Variants in SLC41A3 observed in about 807,000 individuals in gnomAD.
The protein encoded by SLC41A3 is SLC41A1-like 2.
In SLC41A3, 44 loss-of-function variants were observed where a neutral mutation model predicts 45.4. The observed-to-expected ratio is 0.97, with a 90% confidence interval of 0.76 to 1.25. The LOEUF (loss-of-function observed/expected upper bound fraction) is 1.25, where lower values mean the gene tolerates loss of function less well. SLC41A3 is among the 50% of genes most tolerant of loss of function. SLC41A3 has a pLI of 0.00. For synonymous variants in SLC41A3, 256 were observed against 252.4 expected, an observed-to-expected ratio of 1.01 and a Z score of -0.13; for missense variants, 550 against 600.6, an observed-to-expected ratio of 0.92 and a Z score of 0.88.
intron 2 of SLC41A3, among the ~76,000 whole-genome samples, chr3:126,051,677 G>A (rs1286418667): frequency 6.6e-5 from 10 of 152,220 alleles, no homozygotes. Context: ...ATTGGCAGAG[G>A]TGAAAACAAT....
At chr3:126,070,633 T>C (rs751379513) in intron 1 of SLC41A3, among the ~76,000 whole-genome samples, 13 of 152,182 alleles carry the variant, frequency 8.5e-5, no homozygotes, top group Non-Finnish European at 1.9e-4. Context: ...CTAAGAATTC[T>C]TAACTAGCAA....
At chr3:126,082,675 A>AT (rs1351342026) in intron 1 of SLC41A3, among the ~76,000 whole-genome samples, 1 of 152,050 alleles carries the variant, frequency 6.6e-6, no homozygotes, top group Non-Finnish European at 1.5e-5. Flanking sequence ...TCCCTGTGTC[A>AT]CCCTGTGAGG....
intron 9 of SLC41A3, among the ~76,000 whole-genome samples, chr3:126,011,366 G>A (rs1201159157): frequency 2.0e-5 from 3 of 152,132 alleles, no homozygotes; most frequent in Non-Finnish European, 4.4e-5. Context: ...AAAAAGATCA[G>A]TCAACTTGGA....
At chr3:126,041,236 A>C (rs1942570602) in intron 3 of SLC41A3, among the ~76,000 whole-genome samples, 1 of 151,896 alleles carries the variant, frequency 6.6e-6, no homozygotes, top group Non-Finnish European at 1.5e-5. Context: ...GTAGACTCAG[A>C]AACTACAATA....
In SLC41A3 at chr3:126,026,642, C is replaced by T. The variant is rs1406190171; in HGVS notation, c.454-163G>A. On this transcript the variant is annotated intron_variant, in intron 4 of 10. Coordinates refer to ENST00000360370, the MANE Select transcript of SLC41A3 (RefSeq NM_017836.4). The surrounding 1 kb of genome is among the most constrained non-coding windows in gnomAD (Gnocchi z 4.2). Reference sequence around the variant, plus strand: ...GCCCTCACCCCAGGAAAAACTAATACCACACCCCACACCTGCCTTGAACTC... The same window carrying T: ...GCCCTCACCCCAGGAAAAACTAATATCACACCCCACACCTGCCTTGAACTC... Among the ~76,000 whole-genome samples, 1 of 152,178 alleles carries T rather than the reference C, an allele frequency of 6.6e-6. No individual in the cohort carries two copies. The highest frequency in any genetic ancestry group is 6.5e-5 in the Admixed American group (1 of 15,284).
chr3:126,011,408 C>A lies in SLC41A3; in HGVS notation c.1105+1207G>T, dbSNP rs1256344717. On this transcript the variant is annotated intron_variant, in intron 9 of 10. Transcript: ENST00000360370. ...AGTGATAGAAATGAGCCAATCTAAA[C>A]AAGGAGAGTAATAGACTTTGCAAAA... is the stretch of plus-strand genomic sequence containing the variant. Among the ~76,000 whole-genome samples, 49 of 152,130 alleles carry A rather than the reference C, an allele frequency of 3.2e-4. 1 individual carries two copies. The highest frequency in any genetic ancestry group is 3.2e-3 in the Admixed American group (49 of 15,268).
chr3:126,063,498 G>C (rs1334484521), intron 2 of SLC41A3, among the ~76,000 whole-genome samples: 1 of 152,218 alleles, frequency 6.6e-6, no homozygotes, highest in Non-Finnish European at 1.5e-5. Context: ...CCAAGCATCA[G>C]GCAATCAACA....
chr3:126,093,421 C>CTGTA (rs1298314174), intron 1 of SLC41A3, among the ~76,000 whole-genome samples: 1 of 152,192 alleles, frequency 6.6e-6, no homozygotes, highest in African/African-American at 2.4e-5. Flanking sequence ...CCAGCTCAGG[C>CTGTA]CATTCCCTCA....
chr3:126,088,140 A>C (rs1259189791), upstream of SLC41A3, among the ~76,000 whole-genome samples: 3 of 152,050 alleles, frequency 2.0e-5, no homozygotes, highest in East Asian at 3.9e-4. Context: ...GAAGGGAGAT[A>C]ATTTTTTTTT....
At chr3:126,035,816 GGAGT>G (rs1942146297) in intron 3 of SLC41A3, among the ~76,000 whole-genome samples, 1 of 152,174 alleles carries the variant, frequency 6.6e-6, no homozygotes, top group African/African-American at 2.4e-5. Flanking sequence ...GGTCAAGGAA[GGAGT>G]GTTTGTCGCC....
At chr3:126,077,361 C>G (rs1944927157) in intron 1 of SLC41A3, among the ~76,000 whole-genome samples, 1 of 152,052 alleles carries the variant, frequency 6.6e-6, no homozygotes, top group Non-Finnish European at 1.5e-5. Flanking sequence ...GCCTAGGGGA[C>G]AGAGTAAGAC....
intron 1 of SLC41A3, among the ~76,000 whole-genome samples, chr3:126,091,402 G>GGA (rs1006483132): frequency 1.3e-5 from 2 of 152,156 alleles, no homozygotes; most frequent in African/African-American, 4.8e-5. Flanking sequence ...GGCCCAGAAA[G>GGA]GAGAGACAAC....
At chr3:126,068,628 T>C (rs1183362026) in intron 1 of SLC41A3, among the ~76,000 whole-genome samples, 4 of 152,122 alleles carry the variant, frequency 2.6e-5, no homozygotes, top group African/African-American at 7.2e-5. Flanking sequence ...TCAAGAAAAA[T>C]TGCTGACTCT....
At chr3:126,036,895 C>T (rs1409048597) in intron 3 of SLC41A3, among the ~76,000 whole-genome samples, 1 of 152,162 alleles carries the variant, frequency 6.6e-6, no homozygotes, top group Non-Finnish European at 1.5e-5. Context: ...TAATTTTAGA[C>T]TTCAGAAAAG....
intron 1 of SLC41A3, among the ~76,000 whole-genome samples, chr3:126,079,257 T>C (rs966641053): frequency 3.5e-5 from 5 of 142,428 alleles, no homozygotes; most frequent in African/African-American, 5.4e-5. Flanking sequence ...CGATCAGGGA[T>C]TTAAATTCCT....
At chr3:126,100,028 A>C (rs1003979443) in intron 1 of SLC41A3, among the ~76,000 whole-genome samples, 2 of 152,194 alleles carry the variant, frequency 1.3e-5, no homozygotes, top group Non-Finnish European at 2.9e-5. Context: ...CTCTGTAGCT[A>C]AAGAAATCAA....
chr3:126,042,151 C>A (rs1942635050), intron 3 of SLC41A3, among the ~76,000 whole-genome samples: 1 of 152,164 alleles, frequency 6.6e-6, no homozygotes, highest in African/African-American at 2.4e-5. Flanking sequence ...ATGAAGGCCA[C>A]AGAGGTGCCC....
intron 8 of SLC41A3, among the ~76,000 whole-genome samples, chr3:126,014,976 T>TGAGCA (rs1357729540): frequency 6.6e-6 from 1 of 152,194 alleles, no homozygotes; most frequent in African/African-American, 2.4e-5. Flanking sequence ...AGCACAGTCC[T>TGAGCA]GGATCTGTCT....
rs1350243593 is a variant in SLC41A3, at chr3:126,056,247, T to TGCCCTCCCACTGTAGAGGCCC, written c.274-5218_274-5198dup. ...CAAGCAGCAAGGGCAGGTTGAGGGC[T>TGCCCTCCCACTGTAGAGGCCC]GCCCTCCCACTGTAGAGGCCCCTCA... is the stretch of plus-strand genomic sequence containing the variant. On this transcript the variant is annotated intron_variant, in intron 2 of 10. Transcript: ENST00000360370. The TGCCCTCCCACTGTAGAGGCCC allele has an allele frequency of 1.3e-5, 18 of 1,383,934 alleles. No homozygotes were observed. In the Admixed American group the frequency reaches 3.0e-4, roughly 23 times the overall value. 85.7% of individuals were successfully genotyped at this position (1,383,934 alleles called of 1,614,324 possible). A position where few individuals can be genotyped will look rare whatever the true frequency, so the allele number is the denominator to read the frequency against.
Sources: gnomAD v4.1 joint callset for allele counts (sites outside exome capture counted in the v4.1 genomes callset) on GRCh38, gnomAD v4.1.1 for gene constraint, Gnocchi (gnomAD v3.1) non-coding constraint, MANE v1.5 for transcripts, NCBI Gene and HGNC (gene_info 2026-07-23, HGNC 2026-07-21) for gene names.